The following ARHGEF4 variants were observed in gnomAD, a reference collection of about 807,000 sequenced individuals.
ARHGEF4 encodes the protein Rho guanine nucleotide exchange factor 4.
ARHGEF4 carries 119 observed loss-of-function variants against 162.0 expected under a neutral mutation model. That is an observed-to-expected ratio of 0.73 (90% CI 0.63 to 0.86). The LOEUF is 0.86. ARHGEF4 is among the 40% of genes least tolerant of loss of function. ARHGEF4 has a pLI of 0.00. For synonymous variants in ARHGEF4, 1,014 were observed against 979.9 expected, an observed-to-expected ratio of 1.03 and a Z score of -0.65; for missense variants, 2,488 against 2,456.0, an observed-to-expected ratio of 1.01 and a Z score of -0.28.
intron 5 of ARHGEF4, among the ~76,000 whole-genome samples, chr2:131,037,737 A>G (rs1421917925): frequency 6.6e-6 from 1 of 152,256 alleles, no homozygotes; most frequent in Non-Finnish European, 1.5e-5. Flanking sequence ...TGGGAGAGGC[A>G]GGGGAGCGTC....
At chr2:130,997,778 C>T (rs542069869) in intron 4 of ARHGEF4, among the ~76,000 whole-genome samples, 32 of 152,140 alleles carry the variant, frequency 2.1e-4, no homozygotes, top group Admixed American at 2.0e-3. Flanking sequence ...GTTAGGGAAC[C>T]GTTTGAGTAT....
At position 130,915,854 on chromosome 2, in the gene ARHGEF4, G is replaced by A. The variant is rs951071781; in HGVS notation, c.1908G>A (p.Val636=). Residue 636 remains valine (V), a synonymous_variant, in exon 2 of 14, where the codon GTG becomes GTA. Transcript: ENST00000409359. ...RGRGALIIVA[V]EQKGLQASRS... is the part of the protein sequence containing the mutation. ...GGGGCGCCCTCATCATTGTAGCTGT[G>A]GAGCAGAAAGGTCTTCAGGCCAGCA... is the stretch of plus-strand genomic sequence containing the variant. 34 of 1,543,020 alleles carry A rather than the reference G, an allele frequency of 2.2e-5. No homozygotes were observed. The African/African-American group carries it at 4.3e-4, about 19-fold the overall frequency.
intron 1 of ARHGEF4, among the ~76,000 whole-genome samples, chr2:130,880,960 G>A (rs1679149328): frequency 6.6e-6 from 1 of 152,074 alleles, no homozygotes; most frequent in Non-Finnish European, 1.5e-5. Context: ...TCAGCAAATT[G>A]CATATTTTCT....
At chr2:131,011,670 G>T in intron 4 of ARHGEF4, 1 of 1,535,290 alleles carries the variant, frequency 6.5e-7, no homozygotes, top group Non-Finnish European at 8.7e-7. Flanking sequence ...CATCGGAGCT[G>T]ATGGGGGTGG....
intron 4 of ARHGEF4, among the ~76,000 whole-genome samples, chr2:130,975,629 C>T (rs1685652154): frequency 6.6e-6 from 1 of 152,114 alleles, no homozygotes; most frequent in Non-Finnish European, 1.5e-5. Context: ...ACCTGTGCCG[C>T]CCAGAAGGCT....
At chr2:130,845,499 A>C (rs1337801468) in intron 1 of ARHGEF4, among the ~76,000 whole-genome samples, 2 of 150,892 alleles carry the variant, frequency 1.3e-5, no homozygotes, top group Non-Finnish European at 3.0e-5. Flanking sequence ...GGGTTTCACC[A>C]TGTTGGCTAG....
intron 12 of ARHGEF4, among the ~76,000 whole-genome samples, chr2:131,044,816 C>T (rs1471741769): frequency 6.6e-6 from 1 of 152,242 alleles, no homozygotes; most frequent in African/African-American, 2.4e-5. Context: ...TTTCACTACA[C>T]GCGCTCACAT....
chr2:130,939,054 C>T (rs1683125776), intron 3 of ARHGEF4, among the ~76,000 whole-genome samples: 2 of 152,180 alleles, frequency 1.3e-5, no homozygotes, highest in Non-Finnish European at 2.9e-5. Flanking sequence ...CACCCTCCTC[C>T]TGCCCTCCAC....
At chr2:130,995,287 C>T (rs1687303003) in intron 4 of ARHGEF4, among the ~76,000 whole-genome samples, 2 of 152,288 alleles carry the variant, frequency 1.3e-5, no homozygotes, top group Admixed American at 6.5e-5. Context: ...TTCAGCTGTA[C>T]CTAATATGTT....
At chr2:130,877,383 A>G (rs1053013554) in intron 1 of ARHGEF4, among the ~76,000 whole-genome samples, 2 of 152,210 alleles carry the variant, frequency 1.3e-5, no homozygotes, top group East Asian at 3.8e-4. Context: ...TAATTCACAC[A>G]TGCATTGCTT....
At chr2:131,044,242 C>T in intron 11 of ARHGEF4, 57 bp from the exon 12 acceptor site, 1 of 1,595,062 alleles carries the variant, frequency 6.3e-7, no homozygotes, top group Admixed American at 1.7e-5. Context: ...GTGGGAGCAG[C>T]CAGGAAATGG....
intron 4 of ARHGEF4, among the ~76,000 whole-genome samples, chr2:130,985,601 C>T (rs1686429478): frequency 6.6e-6 from 1 of 152,146 alleles, no homozygotes; most frequent in African/African-American, 2.4e-5. Flanking sequence ...TTCTTTGATA[C>T]TTCCTGAAAG....
chr2:131,018,847 G>A (rs1688920617), intron 4 of ARHGEF4, among the ~76,000 whole-genome samples: 1 of 152,180 alleles, frequency 6.6e-6, no homozygotes, highest in Non-Finnish European at 1.5e-5. Flanking sequence ...TGTAAAGACT[G>A]TCTTTTCCCT....
At chr2:130,986,137 G>A (rs1051429186) in intron 4 of ARHGEF4, among the ~76,000 whole-genome samples, 1 of 151,632 alleles carries the variant, frequency 6.6e-6, no homozygotes, top group African/African-American at 2.4e-5. Flanking sequence ...TGTGTATATT[G>A]TTTGTGTGCA....
chr2:130,965,933 C>T (rs1472176263), intron 4 of ARHGEF4, among the ~76,000 whole-genome samples: 1 of 152,142 alleles, frequency 6.6e-6, no homozygotes, highest in Non-Finnish European at 1.5e-5. Context: ...GGAAGTTGCT[C>T]TTTGAGGGGC....
At chr2:130,931,341 G>A in intron 3 of ARHGEF4, 84 bp downstream of exon 3, 1 of 1,408,224 alleles carries the variant, frequency 7.1e-7, no homozygotes, top group Non-Finnish European at 9.5e-7. Flanking sequence ...CTGAGCTTTT[G>A]CCTGACTCTC....
At chr2:130,934,450 C>T (rs1318907852) in intron 3 of ARHGEF4, among the ~76,000 whole-genome samples, 1 of 152,108 alleles carries the variant, frequency 6.6e-6, no homozygotes, top group Non-Finnish European at 1.5e-5. Context: ...TTTCTGATTA[C>T]TGATTCAATT....
intron 4 of ARHGEF4, among the ~76,000 whole-genome samples, chr2:130,956,434 T>C (rs1192332954): frequency 6.6e-6 from 1 of 151,872 alleles, no homozygotes; most frequent in Non-Finnish European, 1.5e-5. Flanking sequence ...GATCTAGAAC[T>C]AGAAATACCA....
chr2:130,864,656 G>T (rs781691858), intron 1 of ARHGEF4, among the ~76,000 whole-genome samples: 2 of 152,110 alleles, frequency 1.3e-5, no homozygotes, highest in Admixed American at 6.5e-5. Flanking sequence ...CCCAGGAGGC[G>T]GAAGTTGTAG....
Sources: allele counts gnomAD v4.1 joint callset (sites outside exome capture counted in the v4.1 genomes callset), GRCh38; gene constraint gnomAD v4.1.1; transcripts MANE v1.5; gene names NCBI Gene and HGNC (gene_info 2026-07-23, HGNC 2026-07-21).